Variants in ANKRD6 observed in about 807,000 individuals in gnomAD.
ANKRD6 encodes ankyrin repeat domain 6.
Under a neutral mutation model 82.3 loss-of-function variants are expected in ANKRD6, and 56 were observed. The ratio of observed to expected loss-of-function variants is 0.68; its 90% CI spans 0.55 to 0.85. ANKRD6 has a LOEUF of 0.85. ANKRD6 is among the 40% of genes least tolerant of loss of function. ANKRD6 has a pLI of 0.00. For synonymous variants in ANKRD6, 347 were observed against 352.1 expected (o/e 0.99, Z 0.16); for missense variants, 852 against 907.6 (o/e 0.94, Z 0.79).
At chr6:89,479,484 G>A (rs1223341177) in intron 1 of ANKRD6, among the ~76,000 whole-genome samples, 1 of 152,122 alleles carries the variant, frequency 6.6e-6, no homozygotes, top group Non-Finnish European at 1.5e-5. Flanking sequence ...TTATTGGATA[G>A]CAGTCCCCCT....
chr6:89,625,737 C>CTT (rs370616881), intron 13 of ANKRD6, among the ~76,000 whole-genome samples: 1,515 of 140,114 alleles, frequency 0.011, 36 homozygotes, highest in African/African-American at 0.037. Context: ...TTTGTTACAA[C>CTT]TTTTTTTTTT....
In ANKRD6 at chr6:89,491,959, T is replaced by G. The variant is rs151136386; in HGVS notation, c.-144+58584T>G. On this transcript the variant is annotated intron_variant, in intron 1 of 15. Coordinates refer to ENST00000339746, the MANE Select transcript of ANKRD6 (RefSeq NM_001242809.2). ...TCCTATCGCCTTTGTCCAATCATAC[T>G]TCATCGCTCTCCACTTCTTCATCAT... Among the ~76,000 whole-genome samples the G allele has an allele frequency of 5.9e-5, 9 of 152,334 alleles. No homozygotes were observed. The East Asian group carries it at 1.7e-3, about 29-fold the overall frequency.
At chr6:89,485,855 G>A (rs75576863) in intron 1 of ANKRD6, among the ~76,000 whole-genome samples, 1,909 of 152,290 alleles carry the variant, frequency 0.013, 45 homozygotes, top group African/African-American at 0.044. Context: ...GCAAAGGTGA[G>A]TTATTACTAA....
chr6:89,444,060 T>C (rs547080690), intron 1 of ANKRD6, among the ~76,000 whole-genome samples: 1 of 152,356 alleles, frequency 6.6e-6, no homozygotes, highest in African/African-American at 2.4e-5. Flanking sequence ...ATGAGCACTG[T>C]GGCCCTGCAT....
intron 1 of ANKRD6, among the ~76,000 whole-genome samples, chr6:89,539,056 C>T (rs1284703762): frequency 6.6e-6 from 1 of 152,034 alleles, no homozygotes; most frequent in Non-Finnish European, 1.5e-5. Context: ...AAAAGAAGAT[C>T]CACATATGGG....
rs567198028 is a variant in ANKRD6, at chr6:89,453,456, A to T, written c.-144+20081A>T. 1.4e-4 allele frequency among the ~76,000 whole-genome samples: 21 copies of T among 152,280 alleles called. No individual in the cohort carries two copies. In the South Asian group the frequency reaches 4.4e-3, roughly 32 times the overall value. ...AGTGCTTGCCTTCTTTTTTCTCATC[A>T]TATAACTTATGATATACAACAAGCA... On this transcript the variant is annotated intron_variant, in intron 1 of 15. Transcript: ENST00000339746.
At chr6:89,569,238 G>A (rs1371476608) in intron 2 of ANKRD6, among the ~76,000 whole-genome samples, 8 of 152,156 alleles carry the variant, frequency 5.3e-5, no homozygotes, top group Non-Finnish European at 1.0e-4. Context: ...TTCGTACCCA[G>A]TAGCTGTCAC....
intron 2 of ANKRD6, among the ~76,000 whole-genome samples, chr6:89,595,708 T>TG (rs1271326559): frequency 2.0e-5 from 3 of 152,216 alleles, no homozygotes; most frequent in Non-Finnish European, 4.4e-5. Flanking sequence ...GAACATATCG[T>TG]GTTCATTGAT....
intron 1 of ANKRD6, among the ~76,000 whole-genome samples, chr6:89,474,106 AAAAAC>A (rs61656053): frequency 0.06 from 9,064 of 150,520 alleles, 287 homozygotes; most frequent in South Asian, 0.13. Context: ...CCTGTCTCAA[AAAAAC>A]AAAACAAAAC....
At chr6:89,447,280 A>G (rs1772206581) in intron 1 of ANKRD6, among the ~76,000 whole-genome samples, 1 of 152,154 alleles carries the variant, frequency 6.6e-6, no homozygotes, top group Non-Finnish European at 1.5e-5. Context: ...GGGCCACTCC[A>G]CTGTACACAG....
chr6:89,578,985 A>G (rs1791810832), intron 2 of ANKRD6, among the ~76,000 whole-genome samples: 1 of 152,166 alleles, frequency 6.6e-6, no homozygotes, highest in African/African-American at 2.4e-5. Context: ...GCAGACAGAG[A>G]AAGAAGCTGT....
chr6:89,515,794 G>T (rs570324032), intron 1 of ANKRD6, among the ~76,000 whole-genome samples: 2 of 151,528 alleles, frequency 1.3e-5, no homozygotes, highest in East Asian at 3.9e-4. Context: ...GGTAGGATCT[G>T]GAGAGAAGGT....
chr6:89,630,307 ATG>A, intron 15 of ANKRD6, 124 bp from the exon 16 acceptor site: 1 of 1,121,176 alleles, frequency 8.9e-7, no homozygotes, highest in Admixed American at 2.9e-5. Flanking sequence ...GACGTTACAC[ATG>A]GTGGGTGGTG....
chr6:89,527,711 A>T (rs551053362), intron 1 of ANKRD6, among the ~76,000 whole-genome samples: 85 of 149,144 alleles, frequency 5.7e-4, no homozygotes, highest in African/African-American at 2.0e-3. Flanking sequence ...TTGCTGGTGG[A>T]GGTTTCTGCT....
At chr6:89,527,182 A>C (rs1782595216) in intron 1 of ANKRD6, among the ~76,000 whole-genome samples, 1 of 152,202 alleles carries the variant, frequency 6.6e-6, no homozygotes, top group Admixed American at 6.5e-5. Flanking sequence ...TTGCAATAGA[A>C]GTAGTCACAG....
intron 1 of ANKRD6, among the ~76,000 whole-genome samples, chr6:89,549,536 C>T (rs1218889240): frequency 6.6e-6 from 1 of 152,196 alleles, no homozygotes; most frequent in Non-Finnish European, 1.5e-5. Flanking sequence ...ATGAGTTACC[C>T]AGTCTCAGGT....
At position 89,614,846 on chromosome 6, in the gene ANKRD6, A is replaced by C. The variant is rs1307240511; in HGVS notation, c.615+956A>C. On this transcript the variant is annotated intron_variant, in intron 7 of 15. Transcript: ENST00000339746. Reference sequence around the variant, plus strand: ...ACCCCGTCTCTTTAAAGGAAAAAAAAAAAAACAAAAAAAAAAACCCACCAA... The same window carrying C: ...ACCCCGTCTCTTTAAAGGAAAAAAACAAAAACAAAAAAAAAAACCCACCAA... Among the ~76,000 whole-genome samples, 36 of 147,320 alleles carry C rather than the reference A, an allele frequency of 2.4e-4. 1 individual carries two copies. Among genetic ancestry groups the C allele is most frequent in the African/African-American group, 8.4e-4 (34 of 40,324 alleles).
intron 1 of ANKRD6, among the ~76,000 whole-genome samples, chr6:89,438,325 GC>G (rs1262946005): frequency 2.6e-5 from 4 of 152,152 alleles, no homozygotes; most frequent in Non-Finnish European, 5.9e-5. Flanking sequence ...TTCTTGTGAT[GC>G]CACCATCTTC....
chr6:89,440,196 G>C (rs970162400), intron 1 of ANKRD6, among the ~76,000 whole-genome samples: 3 of 152,172 alleles, frequency 2.0e-5, no homozygotes, highest in African/African-American at 7.2e-5. Flanking sequence ...TTCAGGGAAA[G>C]AGTAATTCTC....
Sources: allele counts gnomAD v4.1 joint callset (sites outside exome capture counted in the v4.1 genomes callset), GRCh38; gene constraint gnomAD v4.1.1; transcripts MANE v1.5; gene names NCBI Gene and HGNC (gene_info 2026-07-23, HGNC 2026-07-21).